SDR16C5: variants seen among roughly 807,000 people sequenced by gnomAD.
SDR16C5 encodes short chain dehydrogenase/reductase family 16C member 5.
In SDR16C5, 20 loss-of-function variants were observed where a neutral mutation model predicts 27.7. The observed-to-expected ratio is 0.72, with a 90% CI of 0.51 to 1.05. The LOEUF (loss-of-function observed/expected upper bound fraction) is 1.05, where lower values mean the gene tolerates loss of function less well. Ranked by LOEUF, SDR16C5 falls within the 50% of genes least tolerant of loss-of-function variation. SDR16C5 has a pLI of 0.00. For synonymous variants in SDR16C5, 139 were observed against 132.3 expected (o/e 1.05, Z -0.35); for missense variants, 374 against 366.3 (o/e 1.02, Z -0.17).
At chr8:56,308,512 T>C (rs1365356574) in intron 4 of SDR16C5, among the ~76,000 whole-genome samples, 1 of 152,224 alleles carries the variant, frequency 6.6e-6, no homozygotes, top group East Asian at 1.9e-4. Context: ...TTTAGGTATC[T>C]TGAGGTGTAG....
At chr8:56,310,388 A>G (rs1815017063) in intron 3 of SDR16C5, among the ~76,000 whole-genome samples, 1 of 142,448 alleles carries the variant, frequency 7.0e-6, no homozygotes, top group Admixed American at 7.2e-5. Flanking sequence ...GACAGACACC[A>G]TGAAGGCACC....
chr8:56,317,630 G>A (rs1211931228), intron 1 of SDR16C5, among the ~76,000 whole-genome samples: 3 of 152,218 alleles, frequency 2.0e-5, no homozygotes, highest in African/African-American at 4.8e-5. Flanking sequence ...CCTAGTTGCG[G>A]TTAATGAGTA....
intron 2 of SDR16C5, among the ~76,000 whole-genome samples, chr8:56,312,889 G>A (rs971769097): frequency 6.7e-5 from 10 of 149,650 alleles, no homozygotes; most frequent in Middle Eastern, 3.4e-3. Flanking sequence ...CCATTCTCCC[G>A]CCTCAGCCTC....
chr8:56,317,633 A>G (rs1815234625), intron 1 of SDR16C5, among the ~76,000 whole-genome samples: 1 of 152,222 alleles, frequency 6.6e-6, no homozygotes, highest in South Asian at 2.1e-4. Context: ...AGTTGCGGTT[A>G]ATGAGTAAGG....
intron 2 of SDR16C5, 119 bp from the exon 3 acceptor site, chr8:56,312,407 T>C: frequency 3.3e-6 from 3 of 902,588 alleles, no homozygotes; most frequent in Non-Finnish European, 5.2e-6. Context: ...TTATGCACTC[T>C]AAAAATACAG....
intron 2 of SDR16C5, among the ~76,000 whole-genome samples, chr8:56,315,796 G>A (rs1815177498): frequency 6.6e-6 from 1 of 152,010 alleles, no homozygotes; most frequent in Admixed American, 6.6e-5. Context: ...TGTGAAATAG[G>A]GATAATAATG....
At position 56,313,891 on chromosome 8, in the gene SDR16C5, C is replaced by T. The variant is rs140580176; in HGVS notation, c.334-1603G>A. Among the ~76,000 whole-genome samples, 23 of 152,176 alleles carry T rather than the reference C, an allele frequency of 1.5e-4. No individual in the cohort carries two copies. In the East Asian group the frequency reaches 3.9e-3, roughly 26 times the overall value. On this transcript the variant is annotated intron_variant, in intron 2 of 6. Coordinates refer to ENST00000303749, the MANE Select transcript of SDR16C5 (RefSeq NM_138969.4). ...TCTGAAAGCTTTCTCTTTGATTGCT[C>T]GTCTAAGGGCTACTTCTTAAAAACT...
chr8:56,308,907 A>C lies in SDR16C5; in HGVS notation c.565+21T>G, dbSNP rs375804119. 3.3e-4 allele frequency: 521 copies of C among 1,564,424 alleles called. 1 individual carries two copies. The African/African-American group carries it at 5.3e-3, about 16-fold the overall frequency. ...AAGTTATAGGGAATTTTGCAATTGTAAATTGCTATGTTTTTCTTACCTGCC... is the reference window on the plus strand; with the variant it reads ...AAGTTATAGGGAATTTTGCAATTGTCAATTGCTATGTTTTTCTTACCTGCC... On this transcript the variant is annotated intron_variant, in intron 4 of 6. Transcript: ENST00000303749.
chr8:56,314,117 G>A (rs1474854089), intron 2 of SDR16C5, among the ~76,000 whole-genome samples: 3 of 152,092 alleles, frequency 2.0e-5, no homozygotes, highest in Non-Finnish European at 2.9e-5. Flanking sequence ...TGAGGCAGGA[G>A]TACCGCTTGA....
intron 5 of SDR16C5, 144 bp from the exon 6 acceptor site, chr8:56,305,866 C>G: frequency 3.7e-6 from 3 of 815,412 alleles, no homozygotes; most frequent in Non-Finnish European, 5.6e-6. Flanking sequence ...TTTATATTTA[C>G]TCCTTTATTA....
Position 56,301,303 on chromosome 8 carries a change from G to A in SDR16C5, c.*177C>T, listed in dbSNP as rs1422586601. 1.8e-6 allele frequency: 1 copy of A among 546,772 alleles called. No homozygotes were observed. Among genetic ancestry groups the A allele is most frequent in the Non-Finnish European group, 3.3e-6 (1 of 305,278 alleles). 33.9% of individuals were successfully genotyped at this position (546,772 alleles called of 1,614,324 possible). Reference sequence around the variant, plus strand: ...AAAAAACCAAAACTCAACCAAATAGGTGATAGCAACATTATTTTCAAACAC... The same window carrying A: ...AAAAAACCAAAACTCAACCAAATAGATGATAGCAACATTATTTTCAAACAC... On this transcript the variant is annotated 3_prime_UTR_variant, in exon 7 of 7. Coordinates refer to ENST00000303749, the MANE Select transcript of SDR16C5 (RefSeq NM_138969.4).
At chr8:56,309,664 C>A in intron 3 of SDR16C5, 2 of 829,416 alleles carry the variant, frequency 2.4e-6, no homozygotes, top group Non-Finnish European at 1.5e-6. Flanking sequence ...CTAATCACAC[C>A]AAAGACAAGG....
chr8:56,315,595 T>C (rs1056735934), intron 2 of SDR16C5, among the ~76,000 whole-genome samples: 2 of 152,100 alleles, frequency 1.3e-5, no homozygotes, highest in Non-Finnish European at 2.9e-5. Flanking sequence ...GAGTCCTTAT[T>C]CTTAAAGAAG....
intron 3 of SDR16C5, among the ~76,000 whole-genome samples, chr8:56,309,992 G>A (rs895340345): frequency 6.6e-6 from 1 of 151,474 alleles, no homozygotes; most frequent in African/African-American, 2.4e-5. Flanking sequence ...GAGATGACAT[G>A]AGGAGTGGTA....
Position 56,316,159 on chromosome 8 carries a change from C to T in SDR16C5, c.189G>A (p.Leu63=), listed in dbSNP as rs866860609. Residue 63 remains leucine (L), a synonymous_variant, in exon 2 of 7, where the codon CTG becomes CTA. Transcript: ENST00000303749. ...GRLLALQFAR[L]GSVLVLWDIN... ...TATCCCAGAGAACAAGAACAGATCC[C>T]AGCCGGGCAAACTGCAAGGCTAAGA... is the stretch of plus-strand genomic sequence containing the variant. 6.2e-7 allele frequency: 1 copy of T among 1,614,112 alleles called. No homozygotes were observed. Among genetic ancestry groups the T allele is most frequent in the South Asian group, 1.1e-5 (1 of 91,080 alleles).
intron 2 of SDR16C5, among the ~76,000 whole-genome samples, chr8:56,315,003 G>A (rs1815153814): frequency 6.6e-6 from 1 of 152,134 alleles, no homozygotes; most frequent in Admixed American, 6.5e-5. Context: ...CCAGCACTTT[G>A]GGAGGCCAAA....
intron 4 of SDR16C5, among the ~76,000 whole-genome samples, chr8:56,307,917 G>T (rs1563439928): frequency 6.6e-6 from 1 of 152,304 alleles, no homozygotes; most frequent in East Asian, 1.9e-4. Flanking sequence ...AGACAGGAAT[G>T]TTCTGTCTGA....
At chr8:56,309,154 A>T in intron 3 of SDR16C5, 127 bp from the exon 4 acceptor site, 1 of 882,468 alleles carries the variant, frequency 1.1e-6, no homozygotes, top group Non-Finnish European at 1.5e-6. Flanking sequence ...AGGTATGGGG[A>T]TATAAAAACT....
At chr8:56,312,703 TA>T (rs1247292296) in intron 2 of SDR16C5, among the ~76,000 whole-genome samples, 1 of 150,912 alleles carries the variant, frequency 6.6e-6, no homozygotes, top group African/African-American at 2.4e-5. Flanking sequence ...AGACTGCATC[TA>T]AAAAAATAAA....
Sources: allele counts gnomAD v4.1 joint callset (sites outside exome capture counted in the v4.1 genomes callset), GRCh38; gene constraint gnomAD v4.1.1; transcripts MANE v1.5; gene names NCBI Gene and HGNC (gene_info 2026-07-23, HGNC 2026-07-21).